Variants in CDH18 observed in about 807,000 individuals in gnomAD.
CDH18 encodes cadherin-18.
CDH18 carries 31 observed loss-of-function variants against 67.9 expected under a neutral mutation model. The observed-to-expected ratio is 0.46, with a 90% confidence interval of 0.34 to 0.62. The LOEUF (loss-of-function observed/expected upper bound fraction) is 0.62. Ranked by LOEUF, CDH18 falls within the 20% of genes least tolerant of loss-of-function variation. The pLI, the probability that CDH18 is intolerant of heterozygous loss-of-function variation, is 0.01. For missense variants in CDH18, 890 were observed against 975.5 expected (o/e 0.91, Z 1.17); for synonymous variants, 362 against 347.2 (o/e 1.04, Z -0.48).
intron 1 of CDH18, among the ~76,000 whole-genome samples, chr5:20,486,047 G>T (rs1163643939): frequency 1.3e-5 from 2 of 152,130 alleles, no homozygotes; most frequent in African/African-American, 4.8e-5. Context: ...GATTATGAAG[G>T]GTTAAAAGAG....
At chr5:20,097,386 A>T (rs992434865) in intron 2 of CDH18, among the ~76,000 whole-genome samples, 15 of 152,142 alleles carry the variant, frequency 9.9e-5, no homozygotes, top group Admixed American at 8.5e-4. Context: ...AAGTGGTGAC[A>T]GGCAAGAGAG....
chr5:20,238,399 C>A (rs774924695), intron 2 of CDH18, among the ~76,000 whole-genome samples: 1 of 152,104 alleles, frequency 6.6e-6, no homozygotes, highest in East Asian at 1.9e-4. Context: ...TAAGCCAGTA[C>A]AAATTCGGGA....
intron 9 of CDH18, among the ~76,000 whole-genome samples, chr5:19,522,491 C>T (rs347732): frequency 0.99 from 151,423 of 152,326 alleles, 75,315 homozygotes; most frequent in Middle Eastern, 1. Context: ...GATGGTATTT[C>T]CAATGTAATC....
At chr5:19,550,795 G>A (rs1327301226) in intron 8 of CDH18, among the ~76,000 whole-genome samples, 1 of 152,058 alleles carries the variant, frequency 6.6e-6, no homozygotes, top group Non-Finnish European at 1.5e-5. Flanking sequence ...GGGATGGCTG[G>A]GTCAAATGGT....
At chr5:19,926,269 T>C (rs780829440) in intron 2 of CDH18, among the ~76,000 whole-genome samples, 4 of 152,202 alleles carry the variant, frequency 2.6e-5, no homozygotes, top group Non-Finnish European at 2.9e-5. Context: ...TCACTGGTAA[T>C]ATGCTTGAAA....
At chr5:20,338,455 A>G (rs974260076) in intron 1 of CDH18, among the ~76,000 whole-genome samples, 2 of 152,138 alleles carry the variant, frequency 1.3e-5, no homozygotes, top group African/African-American at 4.8e-5. Flanking sequence ...TAGTTTTCCA[A>G]TTACACACAC....
chr5:20,127,405 C>G (rs1382265143), intron 2 of CDH18, among the ~76,000 whole-genome samples: 1 of 151,910 alleles, frequency 6.6e-6, no homozygotes, highest in East Asian at 1.9e-4. Flanking sequence ...TGAGAATGGA[C>G]TAATACAACA....
At chr5:19,965,565 T>C (rs1747663070) in intron 2 of CDH18, among the ~76,000 whole-genome samples, 1 of 152,198 alleles carries the variant, frequency 6.6e-6, no homozygotes, top group South Asian at 2.1e-4. Context: ...TAGCAAAATA[T>C]CTATTAAAGT....
intron 3 of CDH18, among the ~76,000 whole-genome samples, chr5:19,763,229 C>T (rs1355399112): frequency 6.6e-6 from 1 of 152,140 alleles, no homozygotes; most frequent in African/African-American, 2.4e-5. Flanking sequence ...CACATGTATC[C>T]TAGGACTTAA....
intron 8 of CDH18, among the ~76,000 whole-genome samples, chr5:19,568,813 G>A (rs1740875746): frequency 6.6e-6 from 1 of 152,072 alleles, no homozygotes; most frequent in African/African-American, 2.4e-5. Context: ...CACAGTCGAA[G>A]GTAATTTGTT....
intron 3 of CDH18, among the ~76,000 whole-genome samples, chr5:19,776,081 T>C (rs1192133898): frequency 6.6e-6 from 1 of 151,878 alleles, no homozygotes; most frequent in Non-Finnish European, 1.5e-5. Context: ...GCTCAAACAA[T>C]AGGAAACCAT....
intron 3 of CDH18, among the ~76,000 whole-genome samples, chr5:19,793,211 T>C (rs2149820561): frequency 6.6e-6 from 1 of 152,340 alleles, no homozygotes; most frequent in Non-Finnish European, 1.5e-5. Context: ...TAAGTTCAGA[T>C]AGTGATTCAG....
chr5:19,629,027 G>A (rs1348986607), intron 5 of CDH18, among the ~76,000 whole-genome samples: 1 of 152,182 alleles, frequency 6.6e-6, no homozygotes, highest in East Asian at 1.9e-4. Context: ...AGTAAAGTAT[G>A]ATATGGCCTG....
At chr5:19,570,070 G>T (rs1741124958) in intron 8 of CDH18, among the ~76,000 whole-genome samples, 1 of 151,740 alleles carries the variant, frequency 6.6e-6, no homozygotes, top group South Asian at 2.1e-4. Context: ...GGGTGCTTTT[G>T]GTAAAGAAAG....
rs992781194 is a variant in CDH18 at position 19,590,990 on chromosome 5, C to T, written c.999+67G>A. The T allele has an allele frequency of 4.1e-6, 4 of 976,822 alleles. No homozygotes were observed. The South Asian group carries it at 7.4e-5, about 18-fold the overall frequency. 60.5% of individuals were successfully genotyped at this position (976,822 alleles called of 1,614,324 possible). ...CTGACAGCGTGGATTATTCATGCCTCTGCCAAATTTCCATTCAGGAAAAGA... is the reference window on the plus strand; with the variant it reads ...CTGACAGCGTGGATTATTCATGCCTTTGCCAAATTTCCATTCAGGAAAAGA... On this transcript the variant is annotated intron_variant, in intron 7 of 12. Coordinates refer to ENST00000382275, the MANE Select transcript of CDH18 (RefSeq NM_004934.5).
chr5:20,356,513 T>G (rs1210476669), intron 1 of CDH18, among the ~76,000 whole-genome samples: 1 of 152,146 alleles, frequency 6.6e-6, no homozygotes, highest in Non-Finnish European at 1.5e-5. Flanking sequence ...TTCATCTGAC[T>G]AGAGATTTAT....
At chr5:19,859,355 G>T (rs1248593276) in intron 2 of CDH18, among the ~76,000 whole-genome samples, 1 of 152,092 alleles carries the variant, frequency 6.6e-6, no homozygotes, top group Non-Finnish European at 1.5e-5. Context: ...TATAGCATCA[G>T]ATGACAAATA....
At chr5:19,599,618 G>A (rs1457881413) in intron 6 of CDH18, among the ~76,000 whole-genome samples, 1 of 152,012 alleles carries the variant, frequency 6.6e-6, no homozygotes, top group African/African-American at 2.4e-5. Context: ...AAAACACAGA[G>A]CCGGCCAGGC....
intron 2 of CDH18, among the ~76,000 whole-genome samples, chr5:19,930,728 C>T (rs999374813): frequency 3.3e-5 from 5 of 152,014 alleles, no homozygotes; most frequent in Non-Finnish European, 5.9e-5. Flanking sequence ...GAATCATAAA[C>T]TCTATCTCTA....
Sources: allele counts gnomAD v4.1 joint callset (sites outside exome capture counted in the v4.1 genomes callset), GRCh38; gene constraint gnomAD v4.1.1; transcripts MANE v1.5; gene names NCBI Gene and HGNC (gene_info 2026-07-23, HGNC 2026-07-21).